DLGAP3: variants seen among roughly 807,000 people sequenced by gnomAD.
DLGAP3 encodes the protein disks large-associated protein 3.
A neutral mutation model predicts 81.2 loss-of-function variants in DLGAP3; 17 were observed. That is an observed-to-expected ratio of 0.21 (90% CI 0.14 to 0.31). The LOEUF is 0.31. Among genes scored for constraint, DLGAP3 ranks in the 10% least tolerant of loss-of-function variants. The pLI, the probability that DLGAP3 is intolerant of heterozygous loss-of-function variation, is 1.00. For synonymous variants in DLGAP3, 577 were observed against 587.4 expected, an observed-to-expected ratio of 0.98 and a Z score of 0.26; for missense variants, 1,124 against 1,388.0, an observed-to-expected ratio of 0.81 and a Z score of 3.02.
chr1:34,893,128 C>T (rs1389485193), intron 5 of DLGAP3, among the ~76,000 whole-genome samples: 7 of 144,580 alleles, frequency 4.8e-5, no homozygotes, highest in African/African-American at 1.3e-4. Flanking sequence ...GCCGAGATTG[C>T]GCCACTGCAG....
chr1:34,905,133 C>G lies in DLGAP3; in HGVS notation c.251G>C (p.Gly84Ala), dbSNP rs777868236. The G allele has an allele frequency of 3.2e-6, 5 of 1,571,600 alleles. No homozygotes were observed. The African/African-American group carries it at 4.1e-5, about 13-fold the overall frequency. ...CATCCTGGGGAAGGTGCTGCTACCC[C>G]CCCCAACCCCGGCCCCCGCTGGCCC... ...EGGPAGAGVG[G>A]GSSTFPRMYP... Residue 84 changes from glycine (G) to alanine (A), a missense_variant, in exon 3 of 12, where the codon GGG becomes GCG. Gly to Ala is a moderately conservative substitution (Grantham distance 60). Coordinates refer to ENST00000373347, the MANE Select transcript of DLGAP3 (RefSeq NM_001080418.3).
chr1:34,903,435 C>T (rs1476879589), intron 3 of DLGAP3, among the ~76,000 whole-genome samples: 2 of 152,222 alleles, frequency 1.3e-5, no homozygotes, highest in Admixed American at 6.5e-5. Context: ...ATGTCGAATG[C>T]GGAAATACAC....
At chr1:34,877,530 G>A (rs1020269024) in intron 8 of DLGAP3, among the ~76,000 whole-genome samples, 2 of 152,152 alleles carry the variant, frequency 1.3e-5, no homozygotes, top group Non-Finnish European at 2.9e-5. Flanking sequence ...CACAAATTAC[G>A]GAAACACGTA....
intron 7 of DLGAP3, 52 bp from the exon 8 acceptor site, chr1:34,885,115 C>T (rs1490130615): frequency 3.3e-6 from 5 of 1,528,702 alleles, no homozygotes; most frequent in Non-Finnish European, 4.5e-6. Flanking sequence ...GGTGAAAGCC[C>T]TTCCCGGGGA....
Position 34,868,731 on chromosome 1 carries a change from G to A in DLGAP3, c.2359C>T (p.Arg787Cys), listed in dbSNP as rs369099002. The change falls in exon 9 of 12, where the codon CGC (arginine) becomes TGC (cysteine). Residue 787 changes from arginine to cysteine, a missense_variant. Coordinates refer to ENST00000373347, the MANE Select transcript of DLGAP3 (RefSeq NM_001080418.3). This position sits in a 1 kb window ranked among gnomAD's most constrained non-coding sequence, Gnocchi z 7.5. The part of the protein sequence containing the change: ...RGSRSLPDSG[R>C]ASPCPRDGEW... ...CCGTCGCGTGGGCAGGGGGATGCGC[G>A]GCCTGAGTCGGGGAGGCTACGTGAA... 47 of 1,609,274 alleles carry A rather than the reference G, an allele frequency of 2.9e-5. No homozygotes were observed. The highest frequency in any genetic ancestry group is 6.7e-5 in the Admixed American group (4 of 59,990).
intron 5 of DLGAP3, among the ~76,000 whole-genome samples, chr1:34,899,292 T>A (rs1286339339): frequency 1.3e-5 from 2 of 152,116 alleles, no homozygotes; most frequent in Non-Finnish European, 2.9e-5. Context: ...CTGGTCTTGG[T>A]CTCCTGACCT....
In DLGAP3 at chr1:34,865,939, A is replaced by T. The variant is rs1474452665; in HGVS notation, c.*144T>A. 1.3e-6 allele frequency: 1 copy of T among 751,022 alleles called. No homozygotes were observed. Among genetic ancestry groups the T allele is most frequent in the South Asian group, 1.6e-5 (1 of 63,652 alleles). 46.5% of individuals were successfully genotyped at this position (751,022 alleles called of 1,614,324 possible). A position where few individuals can be genotyped will look rare whatever the true frequency, so the allele number is the denominator to read the frequency against. The stretch of plus-strand genomic sequence containing the variant: ...ATCAGGAAGGTAAAAAACCCACGAG[A>T]GTGTGACGGGCCCGGGGGCCGGGGC... On this transcript the variant is annotated 3_prime_UTR_variant, in exon 12 of 12. Coordinates refer to ENST00000373347, the MANE Select transcript of DLGAP3 (RefSeq NM_001080418.3).
chr1:34,918,720 G>A (rs939116857), intron 1 of DLGAP3, among the ~76,000 whole-genome samples: 43 of 152,186 alleles, frequency 2.8e-4, no homozygotes, highest in African/African-American at 8.9e-4. Flanking sequence ...AGAGGGAGAC[G>A]CCTGAGCATG....
At position 34,904,146 on chromosome 1, in the gene DLGAP3, C is replaced by T. The variant is rs765985915; in HGVS notation, c.1107+131G>A. The T allele has an allele frequency of 8.8e-7, 1 of 1,139,122 alleles. No homozygotes were observed. The highest frequency in any genetic ancestry group is 1.3e-6 in the Non-Finnish European group (1 of 766,110). The allele number at this position is 1,139,122 out of a possible 1,614,324, so 70.6% of individuals were successfully genotyped here. A position where few individuals can be genotyped will look rare whatever the true frequency, so the allele number is the denominator to read the frequency against. Reference sequence around the variant, plus strand: ...CTCAGAGTGACCCAATGGGGCAGGGCAGAGCCTCCCTACACCCAGGCCCTC... The same window carrying T: ...CTCAGAGTGACCCAATGGGGCAGGGTAGAGCCTCCCTACACCCAGGCCCTC... On this transcript the variant is annotated intron_variant, in intron 3 of 11. Transcript: ENST00000373347. This position sits in a 1 kb window ranked among gnomAD's most constrained non-coding sequence, Gnocchi z 8.1.
At chr1:34,914,493 G>A (rs1176252073) in intron 1 of DLGAP3, among the ~76,000 whole-genome samples, 1 of 152,216 alleles carries the variant, frequency 6.6e-6, no homozygotes, top group African/African-American at 2.4e-5. Flanking sequence ...GTTAGGGGCA[G>A]CTGGTGAGCA....
At chr1:34,877,259 G>A (rs982674711) in intron 8 of DLGAP3, among the ~76,000 whole-genome samples, 1 of 152,170 alleles carries the variant, frequency 6.6e-6, no homozygotes, top group African/African-American at 2.4e-5. Flanking sequence ...CAGCCAAGAA[G>A]GTCTGTTTCA....
In DLGAP3 at chr1:34,900,258, A is replaced by T; in HGVS notation, c.1123T>A (p.Trp375Arg). The change falls in exon 4 of 12, where the codon TGG becomes AGG. Residue 375 changes from tryptophan to arginine, a missense_variant. Transcript: ENST00000373347. The surrounding 1 kb of genome is among the most constrained non-coding windows in gnomAD (Gnocchi z 5.6). ...YHYLQVPQDD[W>R]GGYPTGGKDG... The stretch of plus-strand genomic sequence containing the variant: ...TTGCCACCGGTGGGGTAACCCCCCC[A>T]GTCATCTTGCGGCACCTGCAGGAAC... 6.2e-7 allele frequency: 1 copy of T among 1,613,930 alleles called. No individual in the cohort carries two copies. Among genetic ancestry groups the T allele is most frequent in the Non-Finnish European group, 8.5e-7 (1 of 1,179,976 alleles).
chr1:34,866,442 G>T (rs772340264), intron 11 of DLGAP3, 141 bp from the exon 12 acceptor site: 21 of 692,052 alleles, frequency 3.0e-5, no homozygotes, highest in South Asian at 1.6e-4. Context: ...CACGGATCCC[G>T]TGACCTGAAG....
Position 34,900,818 on chromosome 1 carries a change from A to G in DLGAP3, c.1108-545T>C, listed in dbSNP as rs1273009295. 6.6e-6 allele frequency among the ~76,000 whole-genome samples: 1 copy of G among 152,152 alleles called. No individual in the cohort carries two copies. The highest frequency in any genetic ancestry group is 1.5e-5 in the Non-Finnish European group (1 of 68,022). The stretch of plus-strand genomic sequence containing the variant: ...GGCTCAAGTGGCGAGAGGACGACCA[A>G]TTAGGAGGCTGATGCTGTTATCCAG... On this transcript the variant is annotated intron_variant, in intron 3 of 11. Coordinates refer to ENST00000373347, the MANE Select transcript of DLGAP3 (RefSeq NM_001080418.3). The surrounding 1 kb of genome is among the most constrained non-coding windows in gnomAD (Gnocchi z 5.6).
At position 34,868,458 on chromosome 1, in the gene DLGAP3, C is replaced by T. The variant is rs1340187031; in HGVS notation, c.2485+147G>A. On this transcript the variant is annotated intron_variant, in intron 9 of 11. Coordinates refer to ENST00000373347, the MANE Select transcript of DLGAP3 (RefSeq NM_001080418.3). The surrounding 1 kb of genome is among the most constrained non-coding windows in gnomAD (Gnocchi z 7.5). The stretch of plus-strand genomic sequence containing the variant: ...GCATGTCTTGCTGCCGATGTTGACC[C>T]GCCACGCTCCAGTGCAGAAGACCAG... 9 of 721,528 alleles carry T rather than the reference C, an allele frequency of 1.2e-5. No homozygotes were observed. Among genetic ancestry groups the T allele is most frequent in the South Asian group, 3.0e-5 (2 of 67,750 alleles). The allele number at this position is 721,528 out of a possible 1,614,324, so 44.7% of individuals were successfully genotyped here. A position where few individuals can be genotyped will look rare whatever the true frequency, so the allele number is the denominator to read the frequency against.
chr1:34,912,355 G>C (rs1161448998), intron 1 of DLGAP3, among the ~76,000 whole-genome samples: 2 of 152,202 alleles, frequency 1.3e-5, no homozygotes, highest in African/African-American at 4.8e-5. Context: ...AGAGATCCAG[G>C]TGTGTTTGAC....
chr1:34,891,441 T>C, intron 5 of DLGAP3, among the ~76,000 whole-genome samples: 1 of 152,166 alleles, frequency 6.6e-6, no homozygotes, highest in African/African-American at 2.4e-5. Flanking sequence ...TAACCAGGAA[T>C]TTATCAGAAA....
intron 8 of DLGAP3, among the ~76,000 whole-genome samples, chr1:34,874,926 A>G (rs1569599622): frequency 6.6e-6 from 1 of 152,020 alleles, no homozygotes; most frequent in East Asian, 1.9e-4. Flanking sequence ...GGCATCTAAG[A>G]GCCTAAACAT....
intron 8 of DLGAP3, among the ~76,000 whole-genome samples, chr1:34,871,823 G>A (rs1250682708): frequency 6.6e-6 from 1 of 152,138 alleles, no homozygotes; most frequent in Non-Finnish European, 1.5e-5. Context: ...GGAACAGAAG[G>A]ACCAAGTGCC....
Sources: allele counts gnomAD v4.1 joint callset (sites outside exome capture counted in the v4.1 genomes callset), GRCh38; gene constraint gnomAD v4.1.1; non-coding constraint Gnocchi (gnomAD v3.1); transcripts MANE v1.5; gene names NCBI Gene and HGNC (gene_info 2026-07-23, HGNC 2026-07-21).